Variants in TOR1A observed in about 807,000 individuals in gnomAD.
TOR1A encodes torsin family 1 member A, also known as torsin-1A.
TOR1A carries 18 observed loss-of-function variants against 31.4 expected under a neutral mutation model. The observed-to-expected ratio is 0.57, with a 90% CI of 0.40 to 0.85. TOR1A has a LOEUF of 0.85. Ranked by LOEUF, TOR1A falls within the 40% of genes least tolerant of loss-of-function variation. TOR1A has a pLI of 0.00. For missense variants in TOR1A, 375 were observed against 416.4 expected (o/e 0.90, Z 0.87); for synonymous variants, 168 against 165.9 (o/e 1.01, Z -0.10).
intron 2 of TOR1A, chr9:129,822,302 G>A (rs762432830): frequency 1.3e-4 from 61 of 486,870 alleles, no homozygotes; most frequent in South Asian, 2.8e-4. Flanking sequence ...AGTGAGATGT[G>A]TTGATCTCTA....
chr9:129,820,934 G>A (rs986729641), intron 2 of TOR1A, among the ~76,000 whole-genome samples: 2 of 152,128 alleles, frequency 1.3e-5, no homozygotes, highest in Admixed American at 1.3e-4. Flanking sequence ...GCTGGACAGT[G>A]GGTGACCCAC....
At chr9:129,816,566 T>C (rs1286134747) in intron 4 of TOR1A, among the ~76,000 whole-genome samples, 1 of 152,226 alleles carries the variant, frequency 6.6e-6, no homozygotes, top group Non-Finnish European at 1.5e-5. Flanking sequence ...TCCCCCGTCC[T>C]AGGTATGATG....
intron 2 of TOR1A, among the ~76,000 whole-genome samples, chr9:129,821,203 T>G (rs2031176862): frequency 6.6e-6 from 1 of 152,126 alleles, no homozygotes; most frequent in Non-Finnish European, 1.5e-5. Context: ...CTTGGGAGGC[T>G]GAGGCAGCAG....
chr9:129,823,797 C>T (rs1246727314), intron 1 of TOR1A, 111 bp downstream of exon 1: 10 of 1,354,964 alleles, frequency 7.4e-6, no homozygotes, highest in African/African-American at 3.0e-5. Flanking sequence ...GGCCCTGGTG[C>T]CATCCCCCGG....
At chr9:129,819,069 A>G in intron 2 of TOR1A, 149 bp from the exon 3 acceptor site, 1 of 896,612 alleles carries the variant, frequency 1.1e-6, no homozygotes, top group Non-Finnish European at 1.8e-6. Flanking sequence ...CTTTGTTCCT[A>G]CCAACCCCAT....
chr9:129,814,596 C>T (rs904576900), intron 4 of TOR1A, among the ~76,000 whole-genome samples: 2 of 151,600 alleles, frequency 1.3e-5, no homozygotes, highest in Non-Finnish European at 2.9e-5. Context: ...CATTGTAATG[C>T]TTCTGTGACA....
Position 129,819,448 on chromosome 9 carries a change from C to T in TOR1A, c.445-528G>A, listed in dbSNP as rs139879479. On this transcript the variant is annotated intron_variant, in intron 2 of 4. Transcript: ENST00000351698. ...CAGCCTGGCCAACATGGTGAAACCC[C>T]ATCTCTATTAAAATACAAAAATTAG... 4.9e-4 allele frequency among the ~76,000 whole-genome samples: 74 copies of T among 151,106 alleles called. 1 individual carries two copies. The East Asian group carries it at 7.9e-3, about 16-fold the overall frequency.
chr9:129,815,622 G>C (rs2031016606), intron 4 of TOR1A, among the ~76,000 whole-genome samples: 1 of 152,186 alleles, frequency 6.6e-6, no homozygotes, highest in Non-Finnish European at 1.5e-5. Context: ...GCAGCCCTGA[G>C]ACTTCACAGT....
chr9:129,816,021 C>T (rs548782630), intron 4 of TOR1A, among the ~76,000 whole-genome samples: 35 of 152,166 alleles, frequency 2.3e-4, no homozygotes, highest in African/African-American at 5.5e-4. Context: ...CTCCAGGCCT[C>T]TCTCTTCCAC....
rs1412468737 is a variant in TOR1A, at chr9:129,816,618, A to G, written c.748+1902T>C. ...TGCTCCATATACATGTGCTGAATCA[A>G]TGTTCAGCCATCTGCCTGAGGTCAC... On this transcript the variant is annotated intron_variant, in intron 4 of 4. Coordinates refer to ENST00000351698, the MANE Select transcript of TOR1A (RefSeq NM_000113.3). Among the ~76,000 whole-genome samples, 4 of 152,294 alleles carry G rather than the reference A, an allele frequency of 2.6e-5. No homozygotes were observed. In the East Asian group the frequency reaches 7.7e-4, roughly 29 times the overall value.
rs977744634 is a variant in TOR1A, at chr9:129,813,061, T to G, written c.*911A>C. 2 of 152,192 alleles carry G rather than the reference T, an allele frequency of 1.3e-5. No homozygotes were observed. The highest frequency in any genetic ancestry group is 4.8e-5 in the African/African-American group (2 of 41,446). 9.4% of individuals were successfully genotyped at this position (152,192 alleles called of 1,614,324 possible). ...TATAGGAGGTTTCGGGGATTCTGAT[T>G]GAACGTAACAAATAATAGTATAAAT... On this transcript the variant is annotated 3_prime_UTR_variant, in exon 5 of 5. Transcript: ENST00000351698.
chr9:129,814,243 G>A, intron 4 of TOR1A, 21 bp from the exon 5 acceptor site: 1 of 1,613,880 alleles, frequency 6.2e-7, no homozygotes, highest in Non-Finnish European at 8.5e-7. Context: ...GAAACAAGGT[G>A]CTGTTCATCC....
chr9:129,818,978 T>C (rs184373215), intron 2 of TOR1A, 58 bp from the exon 3 acceptor site: 5 of 1,583,080 alleles, frequency 3.2e-6, no homozygotes, highest in Non-Finnish European at 4.3e-6. Context: ...ATCAATCAGC[T>C]CCTTCTACCA....
rs749398276 is a variant in TOR1A at position 129,818,554 on chromosome 9, G to T, written c.714C>A (p.His238Gln). Residue 238 changes from histidine to glutamine, a missense_variant, in exon 4 of 5, where the codon CAC becomes CAA. By Grantham distance (24) the His-to-Gln change is conservative. Coordinates refer to ENST00000351698, the MANE Select transcript of TOR1A (RefSeq NM_000113.3). ...TATTGAAAACCGACACAGACAACGCGTGTTCAATGTCTTTGAGCTTGATGT... is the reference window on the plus strand; with the variant it reads ...TATTGAAAACCGACACAGACAACGCTTGTTCAATGTCTTTGAGCTTGATGT... ...REDIKLKDIE[H>Q]ALSVSVFNNK... 6.2e-7 allele frequency: 1 copy of T among 1,614,154 alleles called. No individual in the cohort carries two copies. Among genetic ancestry groups the T allele is most frequent in the East Asian group, 2.2e-5 (1 of 44,890 alleles).
intron 4 of TOR1A, among the ~76,000 whole-genome samples, chr9:129,815,164 C>T (rs891513045): frequency 1.3e-5 from 2 of 152,230 alleles, no homozygotes; most frequent in African/African-American, 2.4e-5. Context: ...TCTGGGGCTC[C>T]GTCCCCAACC....
At chr9:129,823,777 G>A (rs2031252471) in intron 1 of TOR1A, 131 bp downstream of exon 1, 15 of 980,612 alleles carry the variant, frequency 1.5e-5, no homozygotes, top group South Asian at 1.5e-5. Flanking sequence ...TCCAGCCCTA[G>A]TCCTAGCCCG....
At chr9:129,823,164 A>G in intron 1 of TOR1A, 1 of 438,898 alleles carries the variant, frequency 2.3e-6, no homozygotes, top group South Asian at 2.1e-5. Context: ...CCGGGAAAGG[A>G]AACAGTTTGG....
chr9:129,819,816 G>A (rs1341019035), intron 2 of TOR1A, among the ~76,000 whole-genome samples: 1 of 150,630 alleles, frequency 6.6e-6, no homozygotes, highest in East Asian at 1.9e-4. Context: ...CCAGGTACTT[G>A]GGAGGCTGAG....
chr9:129,818,410 T>C, intron 4 of TOR1A, 110 bp downstream of exon 4: 2 of 1,556,868 alleles, frequency 1.3e-6, no homozygotes, highest in Non-Finnish European at 1.8e-6. Context: ...AGAATCTGCA[T>C]TTCTTTCTAC....
Sources: allele counts gnomAD v4.1 joint callset (sites outside exome capture counted in the v4.1 genomes callset), GRCh38; gene constraint gnomAD v4.1.1; transcripts MANE v1.5; gene names NCBI Gene and HGNC (gene_info 2026-07-23, HGNC 2026-07-21).